The following CLSTN2 variants were observed in gnomAD, a reference collection of about 807,000 sequenced individuals.
CLSTN2 encodes the protein calsyntenin 2, also known as calsyntenin-2.
In CLSTN2, 48 loss-of-function variants were observed where a neutral mutation model predicts 101.2. The ratio of observed to expected loss-of-function variants is 0.47; its 90% CI spans 0.38 to 0.60. The LOEUF is 0.60. CLSTN2 is among the 20% of genes least tolerant of loss of function. The pLI is 0.00. For missense variants in CLSTN2, 1,160 were observed against 1,238.2 expected, an observed-to-expected ratio of 0.94 and a Z score of 0.95; for synonymous variants, 481 against 463.6, an observed-to-expected ratio of 1.04 and a Z score of -0.48.
rs3057900 is a variant in CLSTN2, at chr3:140,528,636, C to CAAAAAAAAAAAAAAAAA, written c.1345-3680_1345-3679insAAAAAAAAAAAAAAAAA. Among the ~76,000 whole-genome samples the CAAAAAAAAAAAAAAAAA allele has an allele frequency of 8.5e-4, 126 of 148,924 alleles. 1 individual carries two copies. Among genetic ancestry groups the CAAAAAAAAAAAAAAAAA allele is most frequent in the African/African-American group, 3.2e-3 (125 of 39,418 alleles). ...ATGTCCCCAAACCTAGTGCCTCTGACAAAAAAAAGATGAATGAATAGAGGA... is the reference window on the plus strand; with the variant it reads ...ATGTCCCCAAACCTAGTGCCTCTGACAAAAAAAAAAAAAAAAAAAAAAAAAGATGAATGAATAGAGGA... On this transcript the variant is annotated intron_variant, in intron 8 of 16. Transcript: ENST00000458420.
intron 4 of CLSTN2, among the ~76,000 whole-genome samples, chr3:140,407,555 G>A (rs1576551795): frequency 6.6e-6 from 1 of 152,326 alleles, no homozygotes; most frequent in Non-Finnish European, 1.5e-5. Context: ...GATATTGTTT[G>A]CAGGGTATCT....
chr3:140,528,526 G>A (rs913085735), intron 8 of CLSTN2, among the ~76,000 whole-genome samples: 5 of 151,970 alleles, frequency 3.3e-5, no homozygotes, highest in Non-Finnish European at 5.9e-5. Flanking sequence ...CCATAAAGGC[G>A]GGTGCTTTTT....
chr3:140,044,609 G>A (rs1452282706), intron 1 of CLSTN2, among the ~76,000 whole-genome samples: 2 of 151,162 alleles, frequency 1.3e-5, no homozygotes, highest in African/African-American at 2.5e-5. Context: ...TCTTGTGGCA[G>A]TTTTCAAAGG....
intron 2 of CLSTN2, among the ~76,000 whole-genome samples, chr3:140,400,313 G>C (rs112760225): frequency 9.2e-5 from 14 of 152,230 alleles, no homozygotes; most frequent in African/African-American, 3.4e-4. Context: ...AGACGTGGTG[G>C]ACATGCGTAT....
intron 1 of CLSTN2, among the ~76,000 whole-genome samples, chr3:140,004,323 G>C (rs1377131056): frequency 2.0e-5 from 3 of 152,194 alleles, no homozygotes; most frequent in East Asian, 3.9e-4. Context: ...GGACTAATCT[G>C]ACCTTGGTTT....
At chr3:140,487,813 G>A (rs1279061153) in intron 8 of CLSTN2, among the ~76,000 whole-genome samples, 3 of 152,148 alleles carry the variant, frequency 2.0e-5, no homozygotes, top group Admixed American at 6.5e-5. Flanking sequence ...TATGTCAAAT[G>A]TTTCATTAGT....
intron 2 of CLSTN2, among the ~76,000 whole-genome samples, chr3:140,200,727 C>T (rs2010708151): frequency 6.6e-6 from 1 of 152,190 alleles, no homozygotes; most frequent in Non-Finnish European, 1.5e-5. Context: ...AAAGACAGAA[C>T]ATTTCTCAAT....
At chr3:139,988,718 A>G (rs561745002) in intron 1 of CLSTN2, among the ~76,000 whole-genome samples, 17 of 152,148 alleles carry the variant, frequency 1.1e-4, no homozygotes, top group Non-Finnish European at 2.5e-4. Flanking sequence ...TAAGCAGAGA[A>G]AGTTGCAAGG....
At chr3:140,551,071 G>A (rs1238527955) in intron 10 of CLSTN2, among the ~76,000 whole-genome samples, 1 of 152,074 alleles carries the variant, frequency 6.6e-6, no homozygotes, top group Non-Finnish European at 1.5e-5. Context: ...TGGGGCTCAG[G>A]GATTTGTCCA....
At chr3:140,268,528 G>A (rs551323972) in intron 2 of CLSTN2, among the ~76,000 whole-genome samples, 6 of 152,224 alleles carry the variant, frequency 3.9e-5, no homozygotes, top group Non-Finnish European at 8.8e-5. Flanking sequence ...GAGCTTTCAT[G>A]TGGCACTCTG....
At chr3:140,565,024 G>A (rs576159970) in intron 16 of CLSTN2, among the ~76,000 whole-genome samples, 5 of 152,308 alleles carry the variant, frequency 3.3e-5, no homozygotes, top group Admixed American at 6.5e-5. Flanking sequence ...GTTCCTCCAA[G>A]CATGTGCTGT....
At chr3:140,261,749 G>A (rs947702076) in intron 2 of CLSTN2, among the ~76,000 whole-genome samples, 2 of 152,252 alleles carry the variant, frequency 1.3e-5, no homozygotes, top group African/African-American at 4.8e-5. Context: ...ACATGAGTTT[G>A]TACTGATGTC....
intron 2 of CLSTN2, among the ~76,000 whole-genome samples, chr3:140,188,250 G>A (rs2010510102): frequency 6.6e-6 from 1 of 152,088 alleles, no homozygotes; most frequent in African/African-American, 2.4e-5. Flanking sequence ...TCCCGAATTC[G>A]GCAGCACTTG....
At chr3:139,972,137 G>A (rs532809088) in intron 1 of CLSTN2, among the ~76,000 whole-genome samples, 55 of 152,062 alleles carry the variant, frequency 3.6e-4, no homozygotes, top group South Asian at 8.3e-4. Context: ...GGTGGCAGGC[G>A]CCTGTAGTCC....
chr3:140,548,975 A>G (rs1935657795), intron 10 of CLSTN2, among the ~76,000 whole-genome samples: 1 of 148,094 alleles, frequency 6.8e-6, no homozygotes, highest in South Asian at 2.2e-4. Flanking sequence ...AGATACACAC[A>G]CAGAGTTGCT....
chr3:140,448,474 C>CTGA (rs1427318006), intron 5 of CLSTN2, 45 bp from the exon 6 acceptor site: 1 of 1,497,386 alleles, frequency 6.7e-7, no homozygotes, highest in Non-Finnish European at 9.2e-7. Context: ...TCCAGCAGAA[C>CTGA]TGACTGCACC....
intron 1 of CLSTN2, among the ~76,000 whole-genome samples, chr3:139,999,979 T>C (rs2006792334): frequency 6.6e-6 from 1 of 151,226 alleles, no homozygotes; most frequent in African/African-American, 2.4e-5. Flanking sequence ...ATTACATGTA[T>C]AGAACAGTTT....
At chr3:140,541,544 T>A (rs1453022884) in intron 9 of CLSTN2, among the ~76,000 whole-genome samples, 6 of 152,230 alleles carry the variant, frequency 3.9e-5, no homozygotes, top group African/African-American at 1.4e-4. Flanking sequence ...AACTGGCAGC[T>A]GTCGGGATTA....
chr3:140,250,326 A>G (rs1177744294), intron 2 of CLSTN2, among the ~76,000 whole-genome samples: 1 of 152,158 alleles, frequency 6.6e-6, no homozygotes, highest in Non-Finnish European at 1.5e-5. Flanking sequence ...TCCATACATC[A>G]AGGCCTTCCA....
Sources: gnomAD v4.1 joint callset for allele counts (sites outside exome capture counted in the v4.1 genomes callset) on GRCh38, gnomAD v4.1.1 for gene constraint, MANE v1.5 for transcripts, NCBI Gene and HGNC (gene_info 2026-07-23, HGNC 2026-07-21) for gene names.